Variants in PPP4R2 observed in about 807,000 individuals in gnomAD.
The protein encoded by PPP4R2 is serine/threonine-protein phosphatase 4 regulatory subunit 2.
A neutral mutation model predicts 47.2 loss-of-function variants in PPP4R2; 13 were observed. The ratio of observed to expected loss-of-function variants is 0.28; its 90% CI spans 0.18 to 0.44. PPP4R2 has a LOEUF of 0.44. PPP4R2 is among the 20% of genes least tolerant of loss of function. The pLI, the probability that PPP4R2 is intolerant of heterozygous loss-of-function variation, is 1.00. For missense variants in PPP4R2, 421 were observed against 491.2 expected, an observed-to-expected ratio of 0.86 and a Z score of 1.35; for synonymous variants, 151 against 163.3, an observed-to-expected ratio of 0.92 and a Z score of 0.57.
rs894381985 is a variant in PPP4R2, at chr3:73,061,838, C to T, written c.419+778C>T. 2.4e-5 allele frequency: 10 copies of T among 410,300 alleles called. No homozygotes were observed. The South Asian group carries it at 2.5e-4, about 10-fold the overall frequency. The allele number at this position is 410,300 out of a possible 1,614,324, so 25.4% of individuals were successfully genotyped here. ...TTGGCCTTCCAAAGTGCTGAGATTACAGATGTGAACCACCACACCCAGCCC... is the reference window on the plus strand; with the variant it reads ...TTGGCCTTCCAAAGTGCTGAGATTATAGATGTGAACCACCACACCCAGCCC... On this transcript the variant is annotated intron_variant, in intron 5 of 8. Transcript: ENST00000356692.
chr3:73,001,385 G>C (rs1701453356), intron 2 of PPP4R2, among the ~76,000 whole-genome samples: 1 of 152,024 alleles, frequency 6.6e-6, no homozygotes, highest in Non-Finnish European at 1.5e-5. Flanking sequence ...GCAACATGGT[G>C]AAACCCGTCT....
chr3:73,061,920 C>CTATTTATCT (rs1167240551), intron 5 of PPP4R2: 5 of 587,400 alleles, frequency 8.5e-6, no homozygotes, highest in African/African-American at 2.0e-5. Context: ...AAATAAGATA[C>CTATTTATCT]TAAAATAATC....
intron 2 of PPP4R2, among the ~76,000 whole-genome samples, chr3:73,019,896 T>C (rs1367678820): frequency 6.6e-6 from 1 of 152,194 alleles, no homozygotes; most frequent in Non-Finnish European, 1.5e-5. Flanking sequence ...ATTTACAATT[T>C]TGTCTTATTT....
intron 2 of PPP4R2, among the ~76,000 whole-genome samples, chr3:73,007,934 T>A (rs1022411278): frequency 6.6e-6 from 1 of 152,060 alleles, no homozygotes; most frequent in Admixed American, 6.6e-5. Flanking sequence ...TACAATTACT[T>A]CTTTAATGCT....
Position 73,014,102 on chromosome 3 carries a change from T to C in PPP4R2, c.116+15944T>C, listed in dbSNP as rs138844619. Among the ~76,000 whole-genome samples, 924 of 130,008 alleles carry C rather than the reference T, an allele frequency of 7.1e-3. 234 individuals carry two copies. The highest frequency in any genetic ancestry group is 0.037 in the Middle Eastern group (10 of 270). The allele number at this position is 130,008 out of a possible 152,430, so 85.3% of individuals were successfully genotyped here. The stretch of plus-strand genomic sequence containing the variant: ...CCAATTCAAACAGTGCTTAAGTTAA[T>C]ATACTGGCACAGATGTAAGAGTGGG... On this transcript the variant is annotated intron_variant, in intron 2 of 8. Coordinates refer to ENST00000356692, the MANE Select transcript of PPP4R2 (RefSeq NM_174907.4).
chr3:73,002,606 TTTC>T lies in PPP4R2; in HGVS notation c.116+4451_116+4453del, dbSNP rs201812999. 2.0e-3 allele frequency among the ~76,000 whole-genome samples: 177 copies of T among 88,072 alleles called. 1 individual carries two copies. Among genetic ancestry groups the T allele is most frequent in the African/African-American group, 8.0e-3 (161 of 20,188 alleles). 57.8% of individuals were successfully genotyped at this position (88,072 alleles called of 152,430 possible). ...GTAAACATGGGAGTGCACAGGGATT[TTTC>T]TTTTCTTTTCTTTTCTTTTCTTTTC... On this transcript the variant is annotated intron_variant, in intron 2 of 8. Coordinates refer to ENST00000356692, the MANE Select transcript of PPP4R2 (RefSeq NM_174907.4).
At chr3:73,009,980 A>G (rs77378778) in intron 2 of PPP4R2, among the ~76,000 whole-genome samples, 2,165 of 152,304 alleles carry the variant, frequency 0.014, 27 homozygotes, top group African/African-American at 0.031. Context: ...GGAAATCTAC[A>G]TGTAACCACT....
chr3:73,008,253 A>G (rs576403613), intron 2 of PPP4R2, among the ~76,000 whole-genome samples: 11 of 152,188 alleles, frequency 7.2e-5, no homozygotes, highest in Non-Finnish European at 1.5e-4. Context: ...AGCACAATAG[A>G]TTTTCAGTAA....
At chr3:73,036,381 CTAGA>C (rs1251882343) in intron 2 of PPP4R2, among the ~76,000 whole-genome samples, 6 of 152,100 alleles carry the variant, frequency 3.9e-5, no homozygotes, top group Non-Finnish European at 8.8e-5. Flanking sequence ...TTCAAAATAG[CTAGA>C]GAAGATTTGA....
At chr3:73,029,286 G>A (rs1702125866) in intron 2 of PPP4R2, among the ~76,000 whole-genome samples, 4 of 152,188 alleles carry the variant, frequency 2.6e-5, no homozygotes, top group African/African-American at 7.2e-5. Flanking sequence ...TCAGACTTAA[G>A]CATTAAAAGA....
intron 2 of PPP4R2, among the ~76,000 whole-genome samples, chr3:73,006,346 G>A (rs1054771674): frequency 6.6e-6 from 1 of 151,708 alleles, no homozygotes; most frequent in Non-Finnish European, 1.5e-5. Flanking sequence ...CCACAGGCGC[G>A]CGCCACCATG....
At chr3:73,036,363 T>C (rs939066184) in intron 2 of PPP4R2, among the ~76,000 whole-genome samples, 5 of 152,214 alleles carry the variant, frequency 3.3e-5, no homozygotes, top group African/African-American at 4.8e-5. Context: ...TAACAATTTA[T>C]TGTATATTTC....
intron 2 of PPP4R2, among the ~76,000 whole-genome samples, chr3:73,031,888 C>G (rs1462630828): frequency 6.6e-6 from 1 of 152,218 alleles, no homozygotes; most frequent in African/African-American, 2.4e-5. Flanking sequence ...TGGGTGCTTA[C>G]TAGGTGTCAG....
At chr3:73,022,787 A>G (rs1400336847) in intron 2 of PPP4R2, among the ~76,000 whole-genome samples, 1 of 144,986 alleles carries the variant, frequency 6.9e-6, no homozygotes, top group African/African-American at 2.6e-5. Flanking sequence ...TTTTTTTTTT[A>G]AACAATGCAG....
chr3:73,047,956 A>G (rs1359863823), intron 3 of PPP4R2, among the ~76,000 whole-genome samples: 1 of 152,210 alleles, frequency 6.6e-6, no homozygotes, highest in African/African-American at 2.4e-5. Context: ...GGCTCGCTGC[A>G]GTCTCTGTCT....
chr3:73,013,544 T>TC (rs1262721659), intron 2 of PPP4R2, among the ~76,000 whole-genome samples: 1 of 152,136 alleles, frequency 6.6e-6, no homozygotes, highest in Admixed American at 6.6e-5. Flanking sequence ...AACAGAATGT[T>TC]CTGTACACAT....
intron 1 of PPP4R2, chr3:72,997,376 C>G (rs1195112885): frequency 9.7e-6 from 3 of 307,810 alleles, no homozygotes; most frequent in Non-Finnish European, 1.2e-5. Flanking sequence ...GCAGACCCCT[C>G]CCTCCCAGAT....
intron 5 of PPP4R2, chr3:73,063,107 G>A (rs1389482329): frequency 5.3e-6 from 3 of 563,514 alleles, no homozygotes; most frequent in South Asian, 2.4e-5. Flanking sequence ...CTGTCACCAC[G>A]AATGTTCCCA....
At chr3:73,048,697 A>G (rs1490448004) in intron 3 of PPP4R2, among the ~76,000 whole-genome samples, 1 of 152,232 alleles carries the variant, frequency 6.6e-6, no homozygotes, top group Admixed American at 6.5e-5. Context: ...TAACCAGTGA[A>G]TTCATAGTTA....
Sources: allele counts gnomAD v4.1 joint callset (sites outside exome capture counted in the v4.1 genomes callset), GRCh38; gene constraint gnomAD v4.1.1; transcripts MANE v1.5; gene names NCBI Gene and HGNC (gene_info 2026-07-23, HGNC 2026-07-21).